The following CSMD1 variants were observed in gnomAD, a reference collection of about 807,000 sequenced individuals.
CSMD1 encodes the protein CUB and Sushi multiple domains 1, also known as CUB and sushi domain-containing protein 1.
Under a neutral mutation model 417.5 loss-of-function variants are expected in CSMD1, and 213 were observed. The observed-to-expected ratio is 0.51, with a 90% CI of 0.46 to 0.57. The LOEUF is 0.57. Among genes scored for constraint, CSMD1 ranks in the 20% least tolerant of loss-of-function variants. The probability of loss-of-function intolerance (pLI) is 0.00; values close to 1 mark genes in which losing one functional copy is unlikely to be tolerated. For synonymous variants in CSMD1, 2,862 were observed against 1,736.8 expected (o/e 1.65, Z -16.11); for missense variants, 6,923 against 4,529.7 (o/e 1.53, Z -15.17).
rs193237154 is a variant in CSMD1 at position 3,159,188 on chromosome 8, T to A, written c.5845-1222A>T. On this transcript the variant is annotated intron_variant, in intron 38 of 69. Transcript: ENST00000635120. Reference sequence around the variant, plus strand: ...CATAGAGTTCAAAAGTCTCAAAAAATTTTCATCAGAGACTACCAATAAAAT... The same window carrying A: ...CATAGAGTTCAAAAGTCTCAAAAAAATTTCATCAGAGACTACCAATAAAAT... Among the ~76,000 whole-genome samples, 1,063 of 152,262 alleles carry A rather than the reference T, an allele frequency of 7.0e-3. 11 individuals carry two copies. Among genetic ancestry groups the A allele is most frequent in the African/African-American group, 0.025 (1,018 of 41,548 alleles).
intron 3 of CSMD1, among the ~76,000 whole-genome samples, chr8:4,075,370 T>C (rs563904250): frequency 2.0e-4 from 31 of 152,302 alleles, no homozygotes; most frequent in East Asian, 1.9e-3. Context: ...GAATTTTTTT[T>C]TGATGCTAAA....
rs372158441 is a variant in CSMD1, at chr8:3,502,968, G to C, written c.1345-9242C>G. Among the ~76,000 whole-genome samples, 75 of 152,260 alleles carry C rather than the reference G, an allele frequency of 4.9e-4. 1 individual carries two copies. The highest frequency in any genetic ancestry group is 1.5e-3 in the African/African-American group (62 of 41,566). On this transcript the variant is annotated intron_variant, in intron 10 of 69. Transcript: ENST00000635120. The stretch of plus-strand genomic sequence containing the variant: ...AAAGCATCTGGTGAGGATGCTTACA[G>C]TGGGGAGGTTGTGCATGTGTGGGGG...
intron 50 of CSMD1, among the ~76,000 whole-genome samples, chr8:3,051,473 T>C (rs1235434696): frequency 2.0e-5 from 3 of 152,122 alleles, no homozygotes; most frequent in African/African-American, 7.2e-5. Context: ...AGGTAAGGAT[T>C]CAAAGACTGT....
At chr8:4,539,882 C>G (rs1797293456) in intron 2 of CSMD1, among the ~76,000 whole-genome samples, 1 of 152,130 alleles carries the variant, frequency 6.6e-6, no homozygotes, top group South Asian at 2.1e-4. Flanking sequence ...AAGACAGGAA[C>G]CCCAGAGAGG....
At chr8:3,451,993 G>A (rs935210956) in intron 12 of CSMD1, among the ~76,000 whole-genome samples, 1 of 152,202 alleles carries the variant, frequency 6.6e-6, no homozygotes, top group South Asian at 2.1e-4. Context: ...TTATTTCATT[G>A]AGCAGTGGTT....
In CSMD1 at chr8:3,134,813, C is replaced by G. The variant is rs578116465; in HGVS notation, c.6241+7652G>C. ...ACATTTTCACAATTTGCCAACCTCT[C>G]TGAGCCTCATTTTTCTTATCTGTGA... On this transcript the variant is annotated intron_variant, in intron 41 of 69. Coordinates refer to ENST00000635120, the MANE Select transcript of CSMD1 (RefSeq NM_033225.6). Among the ~76,000 whole-genome samples the G allele has an allele frequency of 2.0e-5, 3 of 152,294 alleles. No individual in the cohort carries two copies. In the East Asian group the frequency reaches 5.8e-4, roughly 29 times the overall value.
chr8:4,503,641 G>C (rs1327453517), intron 2 of CSMD1, among the ~76,000 whole-genome samples: 1 of 152,182 alleles, frequency 6.6e-6, no homozygotes, highest in Non-Finnish European at 1.5e-5. Flanking sequence ...TGCAACCGAG[G>C]CCCAACACAT....
intron 3 of CSMD1, among the ~76,000 whole-genome samples, chr8:4,312,567 T>A (rs1203921286): frequency 6.6e-6 from 1 of 151,684 alleles, no homozygotes; most frequent in African/African-American, 2.4e-5. Context: ...TCGTTCTATT[T>A]ATGAGCAACA....
chr8:3,763,083 C>A (rs909668183), intron 5 of CSMD1, among the ~76,000 whole-genome samples: 2 of 152,132 alleles, frequency 1.3e-5, no homozygotes, highest in African/African-American at 2.4e-5. Context: ...CTCACGGTCT[C>A]TCTGGCACGT....
In CSMD1 at chr8:4,410,979, T is replaced by G. The variant is rs530123939; in HGVS notation, c.415+8974A>C. On this transcript the variant is annotated intron_variant, in intron 3 of 69. Coordinates refer to ENST00000635120, the MANE Select transcript of CSMD1 (RefSeq NM_033225.6). ...GTTAGTTATTGAAACAGTGGATTGTTATACAGTGAGGTTGCCCCTGTGTCT... is the reference window on the plus strand; with the variant it reads ...GTTAGTTATTGAAACAGTGGATTGTGATACAGTGAGGTTGCCCCTGTGTCT... Among the ~76,000 whole-genome samples, 270 of 152,272 alleles carry G rather than the reference T, an allele frequency of 1.8e-3. 1 individual carries two copies. The highest frequency in any genetic ancestry group is 6.8e-3 in the Middle Eastern group (2 of 294).
intron 49 of CSMD1, among the ~76,000 whole-genome samples, chr8:3,067,999 T>C (rs773592680): frequency 4.6e-5 from 7 of 152,170 alleles, no homozygotes; most frequent in Non-Finnish European, 1.0e-4. Flanking sequence ...AATAACAGAA[T>C]GGCTTTTTGT....
chr8:4,399,948 G>A (rs1285407912), intron 3 of CSMD1, among the ~76,000 whole-genome samples: 1 of 152,124 alleles, frequency 6.6e-6, no homozygotes, highest in Non-Finnish European at 1.5e-5. Context: ...CTCATCTAGG[G>A]CTCTCTGGAC....
At chr8:4,921,695 G>C (rs1402882165) in intron 1 of CSMD1, among the ~76,000 whole-genome samples, 6 of 152,116 alleles carry the variant, frequency 3.9e-5, no homozygotes, top group African/African-American at 1.4e-4. Context: ...TCTGTGTACA[G>C]GAATGTGTAT....
chr8:4,330,513 C>G (rs541974216), intron 3 of CSMD1, among the ~76,000 whole-genome samples: 2 of 151,060 alleles, frequency 1.3e-5, no homozygotes, highest in African/African-American at 4.9e-5. Context: ...TCACTTGAAC[C>G]GAGGAGGCAG....
chr8:3,359,826 A>G (rs1469994292), intron 20 of CSMD1, among the ~76,000 whole-genome samples: 3 of 152,322 alleles, frequency 2.0e-5, no homozygotes, highest in African/African-American at 7.2e-5. Flanking sequence ...TTTGTCACAC[A>G]TTCTACTCAT....
At chr8:4,121,229 C>G (rs1410693424) in intron 3 of CSMD1, among the ~76,000 whole-genome samples, 1 of 152,064 alleles carries the variant, frequency 6.6e-6, no homozygotes, top group Non-Finnish European at 1.5e-5. Flanking sequence ...ATTCTCCTGC[C>G]TCAGCCTCCC....
At chr8:4,802,517 G>T (rs987232194) in intron 1 of CSMD1, among the ~76,000 whole-genome samples, 1 of 152,084 alleles carries the variant, frequency 6.6e-6, no homozygotes, top group Non-Finnish European at 1.5e-5. Flanking sequence ...AAAAGACAGA[G>T]TGTGAATTTC....
intron 5 of CSMD1, among the ~76,000 whole-genome samples, chr8:3,919,242 G>T (rs1469152709): frequency 2.7e-5 from 4 of 147,670 alleles, no homozygotes; most frequent in African/African-American, 9.9e-5. Context: ...CTATGCCAAG[G>T]ATTTTTAAAA....
intron 3 of CSMD1, among the ~76,000 whole-genome samples, chr8:4,201,891 G>GT (rs1329403389): frequency 2.0e-5 from 3 of 148,680 alleles, no homozygotes; most frequent in Non-Finnish European, 4.5e-5. Context: ...AAATTTTGGG[G>GT]GGGGGGGGCG....
Sources: allele counts gnomAD v4.1 joint callset (sites outside exome capture counted in the v4.1 genomes callset), GRCh38; gene constraint gnomAD v4.1.1; transcripts MANE v1.5; gene names NCBI Gene and HGNC (gene_info 2026-07-23, HGNC 2026-07-21).